PTPRM: variants seen among roughly 807,000 people sequenced by gnomAD.
PTPRM encodes receptor-type tyrosine-protein phosphatase mu.
Under a neutral mutation model 186.7 loss-of-function variants are expected in PTPRM, and 47 were observed. The ratio of observed to expected loss-of-function variants is 0.25; its 90% CI spans 0.20 to 0.32. The LOEUF (loss-of-function observed/expected upper bound fraction) is 0.32. PTPRM is among the 10% of genes least tolerant of loss of function. PTPRM has a pLI of 1.00. For missense variants in PTPRM, 1,494 were observed against 1,865.0 expected, an observed-to-expected ratio of 0.80 and a Z score of 3.66; for synonymous variants, 668 against 674.9, an observed-to-expected ratio of 0.99 and a Z score of 0.16.
At chr18:7,926,736 TC>T in intron 5 of PTPRM, 53 bp downstream of exon 5, 2 of 1,383,448 alleles carry the variant, frequency 1.4e-6, no homozygotes, top group South Asian at 1.3e-5. Flanking sequence ...AAGAATACAC[TC>T]CCCCTGGAGG....
chr18:7,623,353 A>T (rs1030182023), intron 1 of PTPRM, among the ~76,000 whole-genome samples: 1 of 152,170 alleles, frequency 6.6e-6, no homozygotes, highest in Admixed American at 6.5e-5. Flanking sequence ...GATAAAACAT[A>T]CTACCTACTC....
intron 1 of PTPRM, among the ~76,000 whole-genome samples, chr18:7,703,898 A>G (rs1011087941): frequency 6.6e-6 from 1 of 152,118 alleles, no homozygotes; most frequent in Non-Finnish European, 1.5e-5. Context: ...GTTGAATTTT[A>G]TCAAAGGCTT....
intron 7 of PTPRM, among the ~76,000 whole-genome samples, chr18:8,044,443 G>C (rs944499018): frequency 6.6e-6 from 1 of 152,064 alleles, no homozygotes; most frequent in African/African-American, 2.4e-5. Flanking sequence ...CTCAAGAGTG[G>C]ATTCACTACG....
intron 10 of PTPRM, among the ~76,000 whole-genome samples, chr18:8,086,543 C>T (rs1044828368): frequency 1.3e-5 from 2 of 152,090 alleles, no homozygotes; most frequent in South Asian, 2.1e-4. Flanking sequence ...CCATTTTTTC[C>T]CCTTTGGGTA....
chr18:8,043,293 T>TA (rs929298792), intron 7 of PTPRM, among the ~76,000 whole-genome samples: 21 of 152,162 alleles, frequency 1.4e-4, no homozygotes, highest in African/African-American at 5.1e-4. Flanking sequence ...CAGATTCTAG[T>TA]CCCTGCCTGG....
At chr18:7,903,126 A>G (rs1310600298) in intron 3 of PTPRM, among the ~76,000 whole-genome samples, 2 of 152,232 alleles carry the variant, frequency 1.3e-5, no homozygotes, top group Non-Finnish European at 1.5e-5. Flanking sequence ...TGTTCTATCC[A>G]TGATATATTC....
intron 7 of PTPRM, among the ~76,000 whole-genome samples, chr18:7,996,374 C>T (rs1232850394): frequency 6.6e-6 from 1 of 152,066 alleles, no homozygotes; most frequent in East Asian, 1.9e-4. Flanking sequence ...GATAAAGTCT[C>T]TCAATGAACT....
intron 9 of PTPRM, among the ~76,000 whole-genome samples, chr18:8,082,552 C>CT (rs1292910377): frequency 2.8e-5 from 4 of 143,764 alleles, no homozygotes; most frequent in Admixed American, 1.4e-4. Flanking sequence ...TCTCTCTCTG[C>CT]TTTTTTTTCA....
intron 2 of PTPRM, among the ~76,000 whole-genome samples, chr18:7,816,844 C>A (rs982617785): frequency 6.6e-6 from 1 of 152,132 alleles, no homozygotes; most frequent in Non-Finnish European, 1.5e-5. Context: ...ATCAGTAACA[C>A]ACAGTTGATC....
chr18:8,196,108 C>T (rs1029857447), intron 14 of PTPRM, among the ~76,000 whole-genome samples: 12 of 152,198 alleles, frequency 7.9e-5, no homozygotes, highest in African/African-American at 2.9e-4. Context: ...ATCCAATGAG[C>T]CATCCCCTAG....
intron 1 of PTPRM, among the ~76,000 whole-genome samples, chr18:7,650,444 T>TACCCC (rs2038670695): frequency 2.3e-5 from 2 of 85,604 alleles, no homozygotes; most frequent in African/African-American, 3.8e-5. Context: ...AACTTTCAAA[T>TACCCC]CCCCCCCCCC....
chr18:8,073,920 C>T (rs1217577769), intron 8 of PTPRM, among the ~76,000 whole-genome samples: 1 of 152,070 alleles, frequency 6.6e-6, no homozygotes, highest in Non-Finnish European at 1.5e-5. Context: ...AACAAAAAAT[C>T]AACTTAATCC....
chr18:8,224,574 T>A (rs1194886429), intron 14 of PTPRM, among the ~76,000 whole-genome samples: 1 of 152,196 alleles, frequency 6.6e-6, no homozygotes, highest in Non-Finnish European at 1.5e-5. Context: ...CTGGTCAGAA[T>A]GTATTGGGGA....
intron 1 of PTPRM, among the ~76,000 whole-genome samples, chr18:7,669,524 A>C (rs1004073207): frequency 6.6e-6 from 1 of 152,182 alleles, no homozygotes; most frequent in Non-Finnish European, 1.5e-5. Flanking sequence ...GATTGGGGTC[A>C]CGGTTTGCTT....
At chr18:8,064,732 A>G (rs16952793) in intron 7 of PTPRM, among the ~76,000 whole-genome samples, 4,677 of 152,302 alleles carry the variant, frequency 0.031, 236 homozygotes, top group African/African-American at 0.11. Context: ...TCTGGAAAGC[A>G]CTGACCAATT....
chr18:7,864,950 C>T (rs28778415), intron 2 of PTPRM, among the ~76,000 whole-genome samples: 13,157 of 151,816 alleles, frequency 0.087, 775 homozygotes, highest in African/African-American at 0.18. Flanking sequence ...TTTTATTTTC[C>T]TTGTAGCAAT....
At chr18:7,893,990 A>G (rs2049211517) in intron 3 of PTPRM, among the ~76,000 whole-genome samples, 1 of 152,194 alleles carries the variant, frequency 6.6e-6, no homozygotes, top group Non-Finnish European at 1.5e-5. Flanking sequence ...AGAGATGGTC[A>G]GAAGAAAAGC....
intron 7 of PTPRM, among the ~76,000 whole-genome samples, chr18:8,032,569 A>G (rs751385753): frequency 4.6e-5 from 7 of 152,158 alleles, no homozygotes; most frequent in Non-Finnish European, 8.8e-5. Flanking sequence ...TATAATTTCA[A>G]TTAAAATCCC....
chr18:8,228,677 T>TAAA (rs55669801), intron 14 of PTPRM, among the ~76,000 whole-genome samples: 13,008 of 130,400 alleles, frequency 0.1, 805 homozygotes, highest in Non-Finnish European at 0.15. Context: ...CAAACTCTAC[T>TAAA]AAAAAAAAAA....
Sources: allele counts gnomAD v4.1 joint callset (sites outside exome capture counted in the v4.1 genomes callset), GRCh38; gene constraint gnomAD v4.1.1; transcripts MANE v1.5; gene names NCBI Gene and HGNC (gene_info 2026-07-23, HGNC 2026-07-21).